The following MKLN1 variants were observed in gnomAD, a reference collection of about 807,000 sequenced individuals.
MKLN1 encodes muskelin 1.
A neutral mutation model predicts 99.0 loss-of-function variants in MKLN1; 18 were observed. The observed-to-expected ratio is 0.18, with a 90% CI of 0.13 to 0.27. MKLN1 has a LOEUF of 0.27. Ranked by LOEUF, MKLN1 falls within the 10% of genes least tolerant of loss-of-function variation. MKLN1 has a pLI of 1.00. For missense variants in MKLN1, 621 were observed against 875.9 expected (o/e 0.71, Z 3.67); for synonymous variants, 288 against 293.2 (o/e 0.98, Z 0.18).
At chr7:131,171,905 C>T (rs1796221626) in intron 2 of MKLN1, among the ~76,000 whole-genome samples, 1 of 152,042 alleles carries the variant, frequency 6.6e-6, no homozygotes, top group South Asian at 2.1e-4. Flanking sequence ...TAAGTACATG[C>T]CTGAAGTTGG....
chr7:131,428,511 CT>C (rs1795425763), intron 8 of MKLN1, among the ~76,000 whole-genome samples: 1 of 152,104 alleles, frequency 6.6e-6, no homozygotes, highest in Admixed American at 6.5e-5. Context: ...GAGAAATTGC[CT>C]TTAATATGAC....
intron 3 of MKLN1, among the ~76,000 whole-genome samples, chr7:131,240,752 A>C (rs1295314701): frequency 2.6e-5 from 4 of 152,252 alleles, no homozygotes; most frequent in Non-Finnish European, 1.5e-5. Context: ...AAGGTGGATT[A>C]AATGACACAG....
chr7:131,165,225 G>A (rs1453762518), intron 2 of MKLN1, among the ~76,000 whole-genome samples: 2 of 152,068 alleles, frequency 1.3e-5, no homozygotes, highest in Non-Finnish European at 2.9e-5. Context: ...CACTCTTGTT[G>A]CCCAGGCTGG....
intron 1 of MKLN1, among the ~76,000 whole-genome samples, chr7:131,338,760 C>G (rs1195531710): frequency 6.6e-6 from 1 of 152,186 alleles, no homozygotes; most frequent in African/African-American, 2.4e-5. Flanking sequence ...TCATTAACTG[C>G]TTATTCTTGC....
rs1173699955 is a variant in MKLN1, at chr7:131,493,023, A to G, written c.*5295A>G. On this transcript the variant is annotated 3_prime_UTR_variant, in exon 18 of 18. Coordinates refer to ENST00000352689, the MANE Select transcript of MKLN1 (RefSeq NM_013255.5). ...GTCCTAGTTTATCTTCTTAATTAGA[A>G]TCATTATTTGGAAATAAGATTTGCA... The G allele has an allele frequency of 6.6e-6, 1 of 152,168 alleles. No individual in the cohort carries two copies. Among genetic ancestry groups the G allele is most frequent in the East Asian group, 1.9e-4 (1 of 5,200 alleles). The allele number at this position is 152,168 out of a possible 1,614,324, so 9.4% of individuals were successfully genotyped here.
chr7:131,168,802 G>A (rs1796173296), intron 2 of MKLN1, among the ~76,000 whole-genome samples: 1 of 151,794 alleles, frequency 6.6e-6, no homozygotes, highest in Admixed American at 6.6e-5. Flanking sequence ...GGCTTAGAAA[G>A]GTTAAATAAT....
At chr7:131,111,656 GA>G (rs1038128551) in intron 1 of MKLN1, among the ~76,000 whole-genome samples, 3 of 147,510 alleles carry the variant, frequency 2.0e-5, no homozygotes, top group Admixed American at 6.7e-5. Flanking sequence ...GTAAAGCCTA[GA>G]AAAAAAAAAC....
chr7:131,312,045 G>A (rs1233266041), intron 3 of MKLN1, among the ~76,000 whole-genome samples: 2 of 151,064 alleles, frequency 1.3e-5, no homozygotes, highest in African/African-American at 4.9e-5. Context: ...TGTTTTAGAT[G>A]GAGTCTCACT....
intron 5 of MKLN1, among the ~76,000 whole-genome samples, chr7:131,398,138 CATT>C (rs1481331159): frequency 1.3e-5 from 2 of 152,036 alleles, no homozygotes; most frequent in African/African-American, 2.4e-5. Context: ...ATAAGTAAAT[CATT>C]GTTGTTTGAT....
chr7:131,314,991 G>A (rs372880808), intron 3 of MKLN1, among the ~76,000 whole-genome samples: 4 of 152,032 alleles, frequency 2.6e-5, no homozygotes, highest in South Asian at 4.2e-4. Flanking sequence ...GACCAGGCCG[G>A]ACTCAAGCAA....
intron 1 of MKLN1, among the ~76,000 whole-genome samples, chr7:131,139,779 G>A (rs1437972020): frequency 6.6e-6 from 1 of 152,204 alleles, no homozygotes; most frequent in Admixed American, 6.5e-5. Flanking sequence ...CTAGGGACAG[G>A]GGTGGGTACA....
At chr7:131,135,151 C>CT (rs2116240514) in intron 1 of MKLN1, among the ~76,000 whole-genome samples, 1 of 152,362 alleles carries the variant, frequency 6.6e-6, no homozygotes, top group African/African-American at 2.4e-5. Flanking sequence ...GAGATAGCAT[C>CT]TTGCTCTGTC....
intron 8 of MKLN1, among the ~76,000 whole-genome samples, chr7:131,422,332 G>C (rs1408909293): frequency 6.6e-6 from 1 of 152,170 alleles, no homozygotes; most frequent in Non-Finnish European, 1.5e-5. Context: ...AGGATCACTT[G>C]AGGCTGGGAG....
At position 131,490,710 on chromosome 7, in the gene MKLN1, G is replaced by C. The variant is rs1188705445; in HGVS notation, c.*2982G>C. The C allele has an allele frequency of 1.3e-5, 2 of 152,562 alleles. No homozygotes were observed. The highest frequency in any genetic ancestry group is 2.9e-5 in the Non-Finnish European group (2 of 68,012). The allele number at this position is 152,562 out of a possible 1,614,324, so 9.5% of individuals were successfully genotyped here. A position where few individuals can be genotyped will look rare whatever the true frequency, so the allele number is the denominator to read the frequency against. On this transcript the variant is annotated 3_prime_UTR_variant, in exon 18 of 18. Transcript: ENST00000352689. ...AAAGTCACTGGTTTATCATAGAAAA[G>C]TTTGATGGGTTTAGAGCTCAGTGAT...
At position 131,496,209 on chromosome 7, in the gene MKLN1, G is replaced by T. The variant is rs1797556739; in HGVS notation, c.*8481G>T. On this transcript the variant is annotated 3_prime_UTR_variant, in exon 18 of 18. Coordinates refer to ENST00000352689, the MANE Select transcript of MKLN1 (RefSeq NM_013255.5). ...ACCCCCTCTTCTGTGGCAATGTGGG[G>T]TCAGGGCCGTATCCTAAAGTATCCA... The T allele has an allele frequency of 1.3e-5, 2 of 152,096 alleles. No homozygotes were observed. Among genetic ancestry groups the T allele is most frequent in the Non-Finnish European group, 2.9e-5 (2 of 68,050 alleles). 9.4% of individuals were successfully genotyped at this position (152,096 alleles called of 1,614,324 possible).
At chr7:131,373,427 T>A (rs565793027) in intron 1 of MKLN1, among the ~76,000 whole-genome samples, 1 of 152,248 alleles carries the variant, frequency 6.6e-6, no homozygotes, top group Admixed American at 6.5e-5. Context: ...GCCTGTTAAT[T>A]TGATTTTTAG....
chr7:131,134,622 C>T (rs868285733), intron 1 of MKLN1, among the ~76,000 whole-genome samples: 1 of 152,112 alleles, frequency 6.6e-6, no homozygotes, highest in Non-Finnish European at 1.5e-5. Flanking sequence ...AACCTCGGCC[C>T]GTCTCTCCTA....
rs776255869 is a variant in MKLN1 at position 131,478,742 on chromosome 7, T to A, written c.2086+65T>A. On this transcript the variant is annotated intron_variant, in intron 17 of 17. Coordinates refer to ENST00000352689, the MANE Select transcript of MKLN1 (RefSeq NM_013255.5). The stretch of plus-strand genomic sequence containing the variant: ...GCATTTGGAAGGTTGGATTTTGGTT[T>A]CTTTTACGTGAAACATCAGGTGAGA... 26 of 1,558,946 alleles carry A rather than the reference T, an allele frequency of 1.7e-5. No individual in the cohort carries two copies. In the Middle Eastern group the frequency reaches 8.4e-4, roughly 50 times the overall value.
chr7:131,422,659 G>C (rs938558478), intron 8 of MKLN1, among the ~76,000 whole-genome samples: 1 of 151,788 alleles, frequency 6.6e-6, no homozygotes, highest in Non-Finnish European at 1.5e-5. Context: ...GTTGCTTCCC[G>C]GTGTCTCATA....
Sources: allele counts gnomAD v4.1 joint callset (sites outside exome capture counted in the v4.1 genomes callset), GRCh38; gene constraint gnomAD v4.1.1; transcripts MANE v1.5; gene names NCBI Gene and HGNC (gene_info 2026-07-23, HGNC 2026-07-21).